SAMD8: variants seen among roughly 807,000 people sequenced by gnomAD.
The protein encoded by SAMD8 is sterile alpha motif domain containing 8.
Under a neutral mutation model 42.0 loss-of-function variants are expected in SAMD8, and 20 were observed. That is an observed-to-expected ratio of 0.48 (90% CI 0.34 to 0.69). The LOEUF (loss-of-function observed/expected upper bound fraction) is 0.69, where lower values mean the gene tolerates loss of function less well. SAMD8 is among the 30% of genes least tolerant of loss of function. The pLI is 0.01. For missense variants in SAMD8, 328 were observed against 511.6 expected (o/e 0.64, Z 3.46); for synonymous variants, 162 against 173.0 (o/e 0.94, Z 0.50).
At chr10:75,130,961 GTTTTA>G (rs113456155) in intron 1 of SAMD8, among the ~76,000 whole-genome samples, 35 of 152,268 alleles carry the variant, frequency 2.3e-4, no homozygotes, top group African/African-American at 7.9e-4. Flanking sequence ...TGCTGTTATT[GTTTTA>G]TATTTATTTT....
chr10:75,104,083 G>A (rs1848345824), intron 1 of SAMD8: 2 of 1,355,264 alleles, frequency 1.5e-6, no homozygotes, highest in Non-Finnish European at 2.0e-6. Flanking sequence ...CCATGGCAGG[G>A]AGTAAGGACC....
intron 1 of SAMD8, chr10:75,105,797 G>T (rs1271071627): frequency 3.9e-6 from 6 of 1,550,962 alleles, no homozygotes; most frequent in Non-Finnish European, 5.2e-6. Context: ...AGCCGCTGGT[G>T]CAGCATGAGG....
At chr10:75,099,759 G>C in intron 1 of SAMD8, 1 of 232,700 alleles carries the variant, frequency 4.3e-6, no homozygotes, top group Non-Finnish European at 8.2e-6. Context: ...GCAGGGAGGA[G>C]AGCCTGGCTC....
chr10:75,147,325 A>G (rs923721606), intron 1 of SAMD8, among the ~76,000 whole-genome samples: 2 of 151,928 alleles, frequency 1.3e-5, no homozygotes, highest in Non-Finnish European at 2.9e-5. Context: ...TGTATTTTTT[A>G]TTTATTTTTT....
intron 1 of SAMD8, among the ~76,000 whole-genome samples, chr10:75,129,624 A>G (rs1216349267): frequency 6.6e-6 from 1 of 152,198 alleles, no homozygotes; most frequent in Non-Finnish European, 1.5e-5. Flanking sequence ...AAAAGAAGTT[A>G]TATAATCTTA....
intron 4 of SAMD8, 107 bp from the exon 5 acceptor site, chr10:75,175,959 A>T: frequency 6.6e-7 from 1 of 1,520,652 alleles, no homozygotes; most frequent in Non-Finnish European, 8.8e-7. Flanking sequence ...TTTGGCTTAG[A>T]TCTTATTTCT....
intron 1 of SAMD8, among the ~76,000 whole-genome samples, chr10:75,149,683 C>T (rs902532210): frequency 1.3e-5 from 2 of 152,102 alleles, no homozygotes; most frequent in East Asian, 1.9e-4. Context: ...GATACGTTTT[C>T]CATGAACATG....
chr10:75,116,161 G>A (rs114918564), intron 1 of SAMD8, among the ~76,000 whole-genome samples: 2,152 of 151,782 alleles, frequency 0.014, 54 homozygotes, highest in African/African-American at 0.05. Context: ...ATACAGTGGC[G>A]CGATCATGGC....
At chr10:75,172,768 T>TTA (rs1197330327) in intron 4 of SAMD8, among the ~76,000 whole-genome samples, 1 of 152,138 alleles carries the variant, frequency 6.6e-6, no homozygotes, top group African/African-American at 2.4e-5. Context: ...AGTGCTGGGA[T>TTA]TACAGGCGTG....
upstream of SAMD8, chr10:75,111,506 G>T (rs1848765859): frequency 8.1e-7 from 1 of 1,227,718 alleles, no homozygotes; most frequent in Non-Finnish European, 1.0e-6. Flanking sequence ...TTCCGGTTCG[G>T]CTCCGAGCAG....
At chr10:75,164,781 T>TA (rs774555450) in intron 3 of SAMD8, 41 bp downstream of exon 3, 2 of 1,363,294 alleles carry the variant, frequency 1.5e-6, no homozygotes, top group South Asian at 2.4e-5. Flanking sequence ...ATGTTTTGAC[T>TA]CCTGTATCAA....
At chr10:75,128,722 G>A (rs1029236278) in intron 1 of SAMD8, among the ~76,000 whole-genome samples, 15 of 152,182 alleles carry the variant, frequency 9.9e-5, no homozygotes, top group Non-Finnish European at 1.9e-4. Context: ...GGTCGGCAGG[G>A]GGTGGGGAAG....
At chr10:75,145,941 T>C (rs939722292) in intron 1 of SAMD8, among the ~76,000 whole-genome samples, 15 of 152,142 alleles carry the variant, frequency 9.9e-5, no homozygotes, top group Non-Finnish European at 1.9e-4. Flanking sequence ...GGGAATTCAA[T>C]TGGGTGGTCT....
intron 1 of SAMD8, among the ~76,000 whole-genome samples, chr10:75,115,982 G>T (rs1848873862): frequency 6.6e-6 from 1 of 151,350 alleles, no homozygotes; most frequent in Non-Finnish European, 1.5e-5. Flanking sequence ...AGAAAAACTT[G>T]GTTATAATAG....
intron 2 of SAMD8, among the ~76,000 whole-genome samples, chr10:75,163,280 T>G (rs1328287869): frequency 6.6e-6 from 1 of 152,150 alleles, no homozygotes. Context: ...AACATGTCAT[T>G]GTAGAAAAGT....
chr10:75,151,857 T>C (rs1290876722), intron 2 of SAMD8, among the ~76,000 whole-genome samples: 1 of 152,084 alleles, frequency 6.6e-6, no homozygotes, highest in Non-Finnish European at 1.5e-5. Context: ...CAGCTACTTT[T>C]TTTGTATTTT....
At chr10:75,145,923 T>G in intron 1 of SAMD8, among the ~76,000 whole-genome samples, 1 of 152,204 alleles carries the variant, frequency 6.6e-6, no homozygotes, top group East Asian at 1.9e-4. Flanking sequence ...TGGCCTCATG[T>G]GAGTGCTGGG....
rs973906083 is a variant in SAMD8 at position 75,168,455 on chromosome 10, T to C, written c.675-86T>C. 6.4e-6 allele frequency: 10 copies of C among 1,557,422 alleles called. No individual in the cohort carries two copies. In the Admixed American group the frequency reaches 1.2e-4, roughly 18 times the overall value. The stretch of plus-strand genomic sequence containing the variant: ...AGAGTCTAGTGATTTTTCTGTTTGC[T>C]CTTCCTTGAAGTAAATATTTGATGC... On this transcript the variant is annotated intron_variant, in intron 3 of 5. Coordinates refer to ENST00000542569, the MANE Select transcript of SAMD8 (RefSeq NM_001174156.2).
intron 2 of SAMD8, among the ~76,000 whole-genome samples, chr10:75,162,460 A>C (rs963638145): frequency 2.0e-5 from 3 of 151,852 alleles, no homozygotes; most frequent in African/African-American, 7.3e-5. Flanking sequence ...GACCAGCCTG[A>C]CCAACATGGA....
Sources: gnomAD v4.1 joint callset for allele counts (sites outside exome capture counted in the v4.1 genomes callset) on GRCh38, gnomAD v4.1.1 for gene constraint, MANE v1.5 for transcripts, NCBI Gene and HGNC (gene_info 2026-07-23, HGNC 2026-07-21) for gene names.